Variants in HMCN2 observed in about 807,000 individuals in gnomAD.
HMCN2 encodes hemicentin-2.
In HMCN2, 325 loss-of-function variants were observed where a neutral mutation model predicts 377.5. The ratio of observed to expected loss-of-function variants is 0.86; its 90% CI spans 0.79 to 0.94. The LOEUF (loss-of-function observed/expected upper bound fraction) is 0.94, where lower values mean the gene tolerates loss of function less well. Ranked by LOEUF, HMCN2 falls within the 40% of genes least tolerant of loss-of-function variation. The probability of loss-of-function intolerance (pLI) is 0.00; values close to 1 mark genes in which losing one functional copy is unlikely to be tolerated. For synonymous variants in HMCN2, 2,007 were observed against 2,046.8 expected, an observed-to-expected ratio of 0.98 and a Z score of 0.53; for missense variants, 4,543 against 4,725.3, an observed-to-expected ratio of 0.96 and a Z score of 1.13.
In HMCN2 at chr9:130,425,613, C is replaced by T. The variant is rs531048230; in HGVS notation, c.13642-74C>T. 2.8e-6 allele frequency: 3 copies of T among 1,060,308 alleles called. No homozygotes were observed. The African/African-American group carries it at 4.7e-5, about 17-fold the overall frequency. 65.7% of individuals were successfully genotyped at this position (1,060,308 alleles called of 1,614,324 possible). ...GAGTTGAAATCTCAGCATTTTCCTC[C>T]TCCCCTTCCAACCCTGACCCCTTTC... On this transcript the variant is annotated intron_variant, in intron 89 of 97. Transcript: ENST00000683500.
At chr9:130,396,145 C>T in intron 72 of HMCN2, 24 bp from the exon 73 acceptor site, 2 of 1,261,254 alleles carry the variant, frequency 1.6e-6, no homozygotes, top group Non-Finnish European at 2.1e-6. Flanking sequence ...CTCCCAGCAC[C>T]ACTCCCTCTG....
In HMCN2 at chr9:130,303,760, C is replaced by T. The variant is rs915302452; in HGVS notation, c.1543+152C>T. On this transcript the variant is annotated intron_variant, in intron 10 of 97. Coordinates refer to ENST00000683500, the MANE Select transcript of HMCN2 (RefSeq NM_001291815.2). This position sits in a 1 kb window ranked among gnomAD's most constrained non-coding sequence, Gnocchi z 5.2. ...CCCAGGCTGCCACCTGCCTGCTGCC[C>T]CTCATGTGGGGCCGTCTCACCCAGG... Among the ~76,000 whole-genome samples, 4 of 152,216 alleles carry T rather than the reference C, an allele frequency of 2.6e-5. No homozygotes were observed. Among genetic ancestry groups the T allele is most frequent in the African/African-American group, 9.6e-5 (4 of 41,456 alleles).
intron 51 of HMCN2, 29 bp downstream of exon 51, chr9:130,376,018 G>A: frequency 1.0e-6 from 1 of 970,504 alleles, no homozygotes; most frequent in Non-Finnish European, 1.2e-6. Context: ...GGCACAGCCG[G>A]GTGGGCAGAA....
At chr9:130,371,615 G>C (rs2131598562) in intron 46 of HMCN2, among the ~76,000 whole-genome samples, 1 of 152,334 alleles carries the variant, frequency 6.6e-6, no homozygotes, top group East Asian at 1.9e-4. Flanking sequence ...AGGACTTCAA[G>C]GCCCCTGAGG....
chr9:130,281,889 C>CA (rs782176109), intron 1 of HMCN2, among the ~76,000 whole-genome samples: 15,265 of 58,114 alleles, frequency 0.26, 1,461 homozygotes, highest in Non-Finnish European at 0.3. Flanking sequence ...GACTCCATCT[C>CA]AAAAAAAAAA....
intron 1 of HMCN2, among the ~76,000 whole-genome samples, chr9:130,280,817 G>C (rs1835070576): frequency 6.6e-6 from 1 of 152,010 alleles, no homozygotes; most frequent in African/African-American, 2.4e-5. Context: ...TAGAAATACA[G>C]GCAATTGGCC....
chr9:130,313,702 C>T (rs893619188), intron 15 of HMCN2, among the ~76,000 whole-genome samples: 2 of 151,902 alleles, frequency 1.3e-5, no homozygotes, highest in Non-Finnish European at 2.9e-5. Context: ...GTGTGGCAAC[C>T]CCTCCTGAGT....
chr9:130,389,531 G>A lies in HMCN2; in HGVS notation c.9523+991G>A, dbSNP rs145509160. On this transcript the variant is annotated intron_variant, in intron 62 of 97. Coordinates refer to ENST00000683500, the MANE Select transcript of HMCN2 (RefSeq NM_001291815.2). ...TTGTGTCTGGCTTCTTCCACTTAGC[G>A]TGTTTTCAAGTTTCATCCGTGTTGT... Among the ~76,000 whole-genome samples the A allele has an allele frequency of 3.5e-3, 526 of 151,532 alleles. 5 individuals carry two copies. Among genetic ancestry groups the A allele is most frequent in the African/African-American group, 0.011 (474 of 41,276 alleles).
chr9:130,317,466 C>T (rs1033056224), intron 15 of HMCN2, among the ~76,000 whole-genome samples: 1 of 75,064 alleles, frequency 1.3e-5, no homozygotes, highest in Non-Finnish European at 2.9e-5. Context: ...GAGACCCCAC[C>T]ATCTCTCTCT....
chr9:130,365,811 C>T lies in HMCN2; in HGVS notation c.6506-65C>T, dbSNP rs993245383. The T allele has an allele frequency of 1.6e-5, 16 of 982,214 alleles. 1 individual carries two copies. In the South Asian group the frequency reaches 2.4e-4, roughly 14 times the overall value. 60.8% of individuals were successfully genotyped at this position (982,214 alleles called of 1,614,324 possible). A position where few individuals can be genotyped will look rare whatever the true frequency, so the allele number is the denominator to read the frequency against. On this transcript the variant is annotated intron_variant, in intron 42 of 97. Coordinates refer to ENST00000683500, the MANE Select transcript of HMCN2 (RefSeq NM_001291815.2). The stretch of plus-strand genomic sequence containing the variant: ...ACACAGCCCTCCTCCAGCCTGCCCT[C>T]GCCTTGCTCATCCCCTCCCCATCTC...
intron 25 of HMCN2, among the ~76,000 whole-genome samples, chr9:130,343,520 C>A (rs1839176689): frequency 6.6e-6 from 1 of 152,174 alleles, no homozygotes; most frequent in Non-Finnish European, 1.5e-5. Flanking sequence ...CCGACCTGCC[C>A]ACCTGGCCCC....
At chr9:130,334,549 GTTTTTTT>G (rs1192246439) in intron 22 of HMCN2, among the ~76,000 whole-genome samples, 4 of 99,052 alleles carry the variant, frequency 4.0e-5, no homozygotes, top group African/African-American at 7.6e-5. Context: ...ACTTTTGGAA[GTTTTTTT>G]TTTTTTTTTT....
chr9:130,357,172 G>A (rs1421059666), intron 34 of HMCN2, among the ~76,000 whole-genome samples: 1 of 147,178 alleles, frequency 6.8e-6, no homozygotes, highest in South Asian at 2.1e-4. Flanking sequence ...ATGGATAGAT[G>A]GGTAAATGGA....
In HMCN2 at chr9:130,325,096, C is replaced by CTTCT. The variant is rs1554943189; in HGVS notation, c.2921-497_2921-496insCTTT. ...GTCTTTTCTTCTTCTTCTTCTTCTT[C>CTTCT]TTTTTTTTTTTTTTTGTAGACAAGA... On this transcript the variant is annotated intron_variant, in intron 19 of 97. Coordinates refer to ENST00000683500, the MANE Select transcript of HMCN2 (RefSeq NM_001291815.2). 3.2e-3 allele frequency among the ~76,000 whole-genome samples: 408 copies of CTTCT among 128,076 alleles called. 2 individuals carry two copies. The highest frequency in any genetic ancestry group is 0.011 in the African/African-American group (392 of 34,604). 84.0% of individuals were successfully genotyped at this position (128,076 alleles called of 152,430 possible).
chr9:130,292,235 G>C (rs1245435977), intron 4 of HMCN2, among the ~76,000 whole-genome samples: 1 of 152,220 alleles, frequency 6.6e-6, no homozygotes, highest in African/African-American at 2.4e-5. Flanking sequence ...CCAGCTCTCT[G>C]TATGGTTGGG....
chr9:130,326,584 A>T (rs1838146198), intron 21 of HMCN2, among the ~76,000 whole-genome samples: 1 of 126,236 alleles, frequency 7.9e-6, no homozygotes, highest in Non-Finnish European at 1.8e-5. Context: ...TTTATATTGT[A>T]AAAAAAAAAA....
At position 130,330,207 on chromosome 9, in the gene HMCN2, C is replaced by T. The variant is rs933614585; in HGVS notation, c.3359+2732C>T. ...CAGGGGCCAGCAGCCCTCCACGCCC[C>T]TCTCCCCCCTCCCCTGCTCCCTTGC... On this transcript the variant is annotated intron_variant, in intron 22 of 97. Coordinates refer to ENST00000683500, the MANE Select transcript of HMCN2 (RefSeq NM_001291815.2). Among the ~76,000 whole-genome samples the T allele has an allele frequency of 1.8e-3, 278 of 152,264 alleles. 1 individual carries two copies. The highest frequency in any genetic ancestry group is 6.3e-3 in the African/African-American group (260 of 41,540).
chr9:130,336,567 C>G (rs1838757488), intron 22 of HMCN2, among the ~76,000 whole-genome samples: 2 of 152,264 alleles, frequency 1.3e-5, no homozygotes, highest in Middle Eastern at 3.4e-3. Flanking sequence ...CATGGCCTAG[C>G]AGGTTAGACC....
intron 35 of HMCN2, 67 bp downstream of exon 35, chr9:130,358,055 T>C: frequency 8.2e-7 from 1 of 1,215,276 alleles, no homozygotes; most frequent in Non-Finnish European, 1.1e-6. Context: ...TCTGGGGGCT[T>C]CCTGGAGACT....
Sources: allele counts gnomAD v4.1 joint callset (sites outside exome capture counted in the v4.1 genomes callset), GRCh38; gene constraint gnomAD v4.1.1; non-coding constraint Gnocchi (gnomAD v3.1); transcripts MANE v1.5; gene names NCBI Gene and HGNC (gene_info 2026-07-23, HGNC 2026-07-21).